Variants in MPDZ observed in about 807,000 individuals in gnomAD.
The protein encoded by MPDZ is multiple PDZ domain protein.
In MPDZ, 234 loss-of-function variants were observed where a neutral mutation model predicts 239.1. The observed-to-expected ratio is 0.98, with a 90% CI of 0.88 to 1.09. The LOEUF (loss-of-function observed/expected upper bound fraction) is 1.09, where lower values mean the gene tolerates loss of function less well. Ranked by LOEUF, MPDZ falls within the 50% of genes least tolerant of loss-of-function variation. The probability of loss-of-function intolerance (pLI) is 0.00; values close to 1 mark genes in which losing one functional copy is unlikely to be tolerated. For missense variants in MPDZ, 3,175 were observed against 2,510.0 expected (o/e 1.26, Z -5.66); for synonymous variants, 1,048 against 881.3 (o/e 1.19, Z -3.35).
At position 13,107,013 on chromosome 9, in the gene MPDZ, G is replaced by A. The variant is rs1231025687; in HGVS notation, c.6165C>T (p.Ala2055=). ...CAGTGCCTTTTGTCCGTTTAAGGAT[G>A]GCAACAGCTTCTTCATGGGTGACTC... ...LEGVTHEEAV[A]ILKRTKGTVT... is the part of the protein sequence containing the mutation. Residue 2055 remains alanine, a synonymous_variant, in exon 47 of 47, where the codon GCC becomes GCT. Transcript: ENST00000319217. 3.1e-6 allele frequency: 5 copies of A among 1,613,488 alleles called. No homozygotes were observed. Among genetic ancestry groups the A allele is most frequent in the South Asian group, 1.1e-5 (1 of 91,034 alleles).
At chr9:13,256,843 A>C (rs1330422348) in intron 1 of MPDZ, among the ~76,000 whole-genome samples, 1 of 152,198 alleles carries the variant, frequency 6.6e-6, no homozygotes, top group East Asian at 1.9e-4. Flanking sequence ...AAAAAATGGC[A>C]CCAATAGACT....
intron 24 of MPDZ, among the ~76,000 whole-genome samples, chr9:13,153,427 C>G (rs1281864223): frequency 6.6e-6 from 1 of 152,096 alleles, no homozygotes; most frequent in Non-Finnish European, 1.5e-5. Flanking sequence ...CATCCACCAT[C>G]CTTCCCTATT....
At chr9:13,133,776 G>C (rs1415563689) in intron 32 of MPDZ, 48 bp downstream of exon 32, 2 of 1,299,378 alleles carry the variant, frequency 1.5e-6, no homozygotes, top group African/African-American at 2.9e-5. Flanking sequence ...TTAGAACACT[G>C]AGGTAAAGGA....
At chr9:13,122,220 T>C (rs374726329) in intron 36 of MPDZ, 50 bp from the exon 37 acceptor site, 4 of 1,553,022 alleles carry the variant, frequency 2.6e-6, no homozygotes, top group Non-Finnish European at 3.6e-6. Flanking sequence ...CTCCTAGGAA[T>C]GGTGAGCAGA....
At chr9:13,210,459 C>A (rs1957490950) in intron 10 of MPDZ, among the ~76,000 whole-genome samples, 1 of 151,040 alleles carries the variant, frequency 6.6e-6, no homozygotes, top group South Asian at 2.1e-4. Context: ...ATGCTATATA[C>A]CCTACCCACC....
chr9:13,166,807 G>A (rs1951141655), intron 22 of MPDZ, among the ~76,000 whole-genome samples: 1 of 152,000 alleles, frequency 6.6e-6, no homozygotes, highest in Non-Finnish European at 1.5e-5. Context: ...AAAAAAATGA[G>A]GAAAGGGGAA....
chr9:13,209,797 A>T (rs1450573351), intron 10 of MPDZ, among the ~76,000 whole-genome samples: 1 of 152,178 alleles, frequency 6.6e-6, no homozygotes, highest in Non-Finnish European at 1.5e-5. Context: ...AAGGCAGTCA[A>T]CAAGATTTTA....
At position 13,166,532 on chromosome 9, in the gene MPDZ, T is replaced by C. The variant is rs13295292; in HGVS notation, c.3254+1834A>G. ...AAGAAATCAACGTGTTTTGAATGTC[T>C]GCATGTGTGTTTACATACACGAGAG... On this transcript the variant is annotated intron_variant, in intron 22 of 46. Transcript: ENST00000319217. Among the ~76,000 whole-genome samples, 857 of 152,286 alleles carry C rather than the reference T, an allele frequency of 5.6e-3. 7 individuals are homozygous for C. Among genetic ancestry groups the C allele is most frequent in the African/African-American group, 0.02 (829 of 41,584 alleles).
intron 3 of MPDZ, among the ~76,000 whole-genome samples, chr9:13,238,982 A>G (rs550100192): frequency 5.6e-4 from 85 of 152,338 alleles, no homozygotes; most frequent in African/African-American, 1.9e-3. Context: ...CTAACATGGC[A>G]TATATTGATA....
At chr9:13,206,554 A>ATT (rs576650722) in intron 10 of MPDZ, among the ~76,000 whole-genome samples, 2 of 138,868 alleles carry the variant, frequency 1.4e-5, no homozygotes, top group African/African-American at 2.6e-5. Context: ...ACACGTGGCT[A>ATT]TTTTTTTTTT....
intron 34 of MPDZ, among the ~76,000 whole-genome samples, 192 bp downstream of exon 34, chr9:13,126,324 C>T (rs535602931): frequency 7.2e-5 from 11 of 152,144 alleles, no homozygotes; most frequent in Admixed American, 3.3e-4. Flanking sequence ...TGTGTGGCAA[C>T]GAAAAATACC....
chr9:13,203,633 T>C (rs1013323623), intron 12 of MPDZ, among the ~76,000 whole-genome samples: 3 of 151,980 alleles, frequency 2.0e-5, no homozygotes, highest in African/African-American at 7.2e-5. Flanking sequence ...CTAGGGCAGA[T>C]GCATTAAAGT....
At chr9:13,147,521 C>A (rs774512265) in intron 26 of MPDZ, 27 bp downstream of exon 26, 6 of 1,541,710 alleles carry the variant, frequency 3.9e-6, no homozygotes, top group Non-Finnish European at 4.5e-6. Flanking sequence ...TTTGGATATG[C>A]CTACCTTGCC....
At chr9:13,109,856 C>G (rs375428752) in intron 45 of MPDZ, 96 bp downstream of exon 45, 53 of 924,614 alleles carry the variant, frequency 5.7e-5, no homozygotes, top group Non-Finnish European at 8.3e-5. Flanking sequence ...TTTACCTGTA[C>G]GTAATTCCTA....
intron 2 of MPDZ, among the ~76,000 whole-genome samples, chr9:13,249,346 CCCTTT>C (rs988641248): frequency 6.6e-6 from 1 of 152,110 alleles, no homozygotes; most frequent in Non-Finnish European, 1.5e-5. Context: ...TCTATATTTG[CCCTTT>C]CCTTTCCACT....
intron 43 of MPDZ, among the ~76,000 whole-genome samples, chr9:13,111,795 T>C (rs774265824): frequency 6.6e-6 from 1 of 152,240 alleles, no homozygotes; most frequent in Non-Finnish European, 1.5e-5. Flanking sequence ...AAATATGTAT[T>C]AGGAAACAAC....
chr9:13,125,187 C>T (rs773670449), intron 35 of MPDZ, 29 bp downstream of exon 35: 23 of 1,531,518 alleles, frequency 1.5e-5, no homozygotes, highest in Non-Finnish European at 5.3e-6. Context: ...TCCATATGTG[C>T]AGGACTCTCA....
chr9:13,254,883 G>A lies in MPDZ; in HGVS notation c.-57-4511C>T, dbSNP rs543857923. ...TTTGTGTTGATGGCTGCTGACTGAC[G>A]GGTGGTGGTTGCTGAAGGCTGTGGT... On this transcript the variant is annotated intron_variant, in intron 1 of 46. Transcript: ENST00000319217. 3.3e-5 allele frequency among the ~76,000 whole-genome samples: 5 copies of A among 152,160 alleles called. No individual in the cohort carries two copies. In the South Asian group the frequency reaches 6.2e-4, roughly 19 times the overall value.
chr9:13,136,094 C>T lies in MPDZ; in HGVS notation c.4381G>A (p.Glu1461Lys), dbSNP rs1375798424. 1.3e-6 allele frequency: 2 copies of T among 1,598,148 alleles called. No individual in the cohort carries two copies. The highest frequency in any genetic ancestry group is 4.5e-5 in the East Asian group (2 of 44,632). The part of the protein sequence containing the change: ...PSNSENLQNK[E>K]TEPTVTTSDA... Reference sequence around the variant, plus strand: ...AAACAAACATAAGTTACATATACCTCCTTATTTTGAAGATTTTCTGAGTTA... The same window carrying T: ...AAACAAACATAAGTTACATATACCTTCTTATTTTGAAGATTTTCTGAGTTA... The change falls in exon 31 of 47, where the codon GAG becomes AAG. Residue 1461 changes from glutamate to lysine, a missense_variant and splice_region_variant. Transcript: ENST00000319217.
Sources: allele counts gnomAD v4.1 joint callset (sites outside exome capture counted in the v4.1 genomes callset), GRCh38; gene constraint gnomAD v4.1.1; transcripts MANE v1.5; gene names NCBI Gene and HGNC (gene_info 2026-07-23, HGNC 2026-07-21).